Variants in TNN observed in about 807,000 individuals in gnomAD.
TNN encodes tenascin-N.
TNN carries 122 observed loss-of-function variants against 134.4 expected under a neutral mutation model. The ratio of observed to expected loss-of-function variants is 0.91; its 90% CI spans 0.78 to 1.06. TNN has a LOEUF of 1.06. Among genes scored for constraint, TNN ranks in the 50% least tolerant of loss-of-function variants. TNN has a pLI of 0.00. For synonymous variants in TNN, 710 were observed against 670.3 expected (o/e 1.06, Z -0.91); for missense variants, 1,739 against 1,699.4 (o/e 1.02, Z -0.41).
chr1:175,075,077 G>A (rs577874364), intron 1 of TNN, among the ~76,000 whole-genome samples: 3 of 152,342 alleles, frequency 2.0e-5, no homozygotes, highest in Non-Finnish European at 2.9e-5. Flanking sequence ...GTGCGTAGCA[G>A]CAACTCAGTA....
chr1:175,126,714 A>G (rs1042986664), intron 12 of TNN, among the ~76,000 whole-genome samples: 2 of 152,142 alleles, frequency 1.3e-5, no homozygotes, highest in Admixed American at 6.5e-5. Flanking sequence ...ATGGGGGCCC[A>G]GATTCCTTTC....
At position 175,147,394 on chromosome 1, in the gene TNN, A is replaced by G. The variant is rs1403680604; in HGVS notation, c.*323A>G. On this transcript the variant is annotated 3_prime_UTR_variant, in exon 19 of 19. Coordinates refer to ENST00000239462, the MANE Select transcript of TNN (RefSeq NM_022093.2). Reference sequence around the variant, plus strand: ...TCACCCAGCACTTCACCAGTTGGAAATCTCTGGAAATTTACATCTATGTAT... The same window carrying G: ...TCACCCAGCACTTCACCAGTTGGAAGTCTCTGGAAATTTACATCTATGTAT... 4 of 232,750 alleles carry G rather than the reference A, an allele frequency of 1.7e-5. No individual in the cohort carries two copies. Among genetic ancestry groups the G allele is most frequent in the Non-Finnish European group, 3.3e-5 (4 of 121,780 alleles). The allele number at this position is 232,750 out of a possible 1,614,324, so 14.4% of individuals were successfully genotyped here.
At chr1:175,136,120 C>T (rs1336777853) in intron 16 of TNN, among the ~76,000 whole-genome samples, 179 bp downstream of exon 16, 5 of 152,112 alleles carry the variant, frequency 3.3e-5, no homozygotes, top group African/African-American at 1.2e-4. Flanking sequence ...GTCTTGCACT[C>T]TGAACTTGTT....
At chr1:175,123,725 T>G (rs1675442723) in intron 12 of TNN, 62 bp downstream of exon 12, 1 of 1,598,520 alleles carries the variant, frequency 6.3e-7, no homozygotes. Flanking sequence ...CCTTCCTCCA[T>G]CAGTGGGCTG....
At chr1:175,137,063 T>A in intron 17 of TNN, 75 bp downstream of exon 17, 1 of 1,458,798 alleles carries the variant, frequency 6.9e-7, no homozygotes, top group Non-Finnish European at 9.5e-7. Flanking sequence ...CGTGTGCCAC[T>A]GATCTGGGGG....
rs2101843584 is a variant in TNN, at chr1:175,126,952, CA to C, written c.2915-2del. 1 of 1,606,732 alleles carries C rather than the reference CA, an allele frequency of 6.2e-7. No individual in the cohort carries two copies. The highest frequency in any genetic ancestry group is 2.2e-5 in the East Asian group (1 of 44,834). ...TAACAATTACCTGACTTTCTACGTA[CA>C]GAACTCGACCCTCCCAGAAACCTTC... On this transcript the variant is annotated splice_acceptor_variant, in intron 12 of 18. Coordinates refer to ENST00000239462, the MANE Select transcript of TNN (RefSeq NM_022093.2). LOFTEE classifies it high-confidence loss of function.
In TNN at chr1:175,083,991, G is replaced by A; in HGVS notation, c.1234+56G>A. On this transcript the variant is annotated intron_variant, in intron 5 of 18. Coordinates refer to ENST00000239462, the MANE Select transcript of TNN (RefSeq NM_022093.2). ...TGCTGTGGATGCAGAGGTGGGGATAGTGTGTGCAGAGGGCACTGGCATCTG... is the reference window on the plus strand; with the variant it reads ...TGCTGTGGATGCAGAGGTGGGGATAATGTGTGCAGAGGGCACTGGCATCTG... 1.9e-6 allele frequency: 3 copies of A among 1,572,972 alleles called. No individual in the cohort carries two copies. The African/African-American group carries it at 4.0e-5, about 21-fold the overall frequency.
At chr1:175,118,527 C>A in intron 10 of TNN, 34 bp from the exon 11 acceptor site, 1 of 1,611,126 alleles carries the variant, frequency 6.2e-7, no homozygotes, top group South Asian at 1.1e-5. Context: ...GGCACCTGTT[C>A]ATAGTGCATA....
intron 16 of TNN, among the ~76,000 whole-genome samples, chr1:175,136,494 A>G (rs1283889475): frequency 6.6e-6 from 1 of 152,176 alleles, no homozygotes; most frequent in Non-Finnish European, 1.5e-5. Context: ...GGATCTTAGG[A>G]TGAGTCGTTG....
At chr1:175,068,095 T>C (rs1040604105) in intron 1 of TNN, among the ~76,000 whole-genome samples, 160 bp downstream of exon 1, 1 of 152,160 alleles carries the variant, frequency 6.6e-6, no homozygotes, top group Non-Finnish European at 1.5e-5. Context: ...TAAAATGAAT[T>C]GGGAAGTACC....
chr1:175,081,533 G>A lies in TNN; in HGVS notation c.1048+1107G>A, dbSNP rs1674198472. Among the ~76,000 whole-genome samples, 4 of 152,186 alleles carry A rather than the reference G, an allele frequency of 2.6e-5. No individual in the cohort carries two copies. The South Asian group carries it at 6.2e-4, about 24-fold the overall frequency. On this transcript the variant is annotated intron_variant, in intron 4 of 18. Coordinates refer to ENST00000239462, the MANE Select transcript of TNN (RefSeq NM_022093.2). The stretch of plus-strand genomic sequence containing the variant: ...GCAGTTGTCTTTGCAGAGACATCAA[G>A]CTGCCTGTCCTTTATGGTGGTGGGA...
intron 18 of TNN, among the ~76,000 whole-genome samples, chr1:175,145,551 T>TAAAAAAAAAAAA (rs1676042149): frequency 2.6e-4 from 1 of 3,804 alleles, no homozygotes. Flanking sequence ...AGACCCTGTC[T>TAAAAAAAAAAAA]CAAAAAAAAA....
In TNN at chr1:175,116,989, G is replaced by A. The variant is rs767422698; in HGVS notation, c.2170G>A (p.Ala724Thr). 1.2e-6 allele frequency: 2 copies of A among 1,614,210 alleles called. No individual in the cohort carries two copies. Among genetic ancestry groups the A allele is most frequent in the South Asian group, 2.2e-5 (2 of 91,088 alleles). Residue 724 changes from alanine (A) to threonine (T), a missense_variant, in exon 10 of 19, where the codon GCC becomes ACC. Physicochemically the swap from Ala to Thr is moderately conservative, Grantham distance 58. Coordinates refer to ENST00000239462, the MANE Select transcript of TNN (RefSeq NM_022093.2). ...LVTDRVTENM[A>T]TVSWDPVRAT... ...GACCGACCGGGTGACAGAGAATATG[G>A]CCACTGTCTCCTGGGACCCGGTGCG...
Position 175,128,583 on chromosome 1 carries a change from C to T in TNN, c.3179-12C>T. The T allele has an allele frequency of 6.2e-7, 1 of 1,607,294 alleles. No individual in the cohort carries two copies. Among genetic ancestry groups the T allele is most frequent in the Non-Finnish European group, 8.5e-7 (1 of 1,176,540 alleles). On this transcript the variant is annotated splice_polypyrimidine_tract_variant and intron_variant, in intron 14 of 18. Transcript: ENST00000239462. ...CCTTGTCCTAACAACACTCTCTCTGCTTGGCTCCCAGTTGGTGCCCGTTTC... is the reference window on the plus strand; with the variant it reads ...CCTTGTCCTAACAACACTCTCTCTGTTTGGCTCCCAGTTGGTGCCCGTTTC...
chr1:175,072,093 C>T (rs1323768646), intron 1 of TNN, among the ~76,000 whole-genome samples: 1 of 152,178 alleles, frequency 6.6e-6, no homozygotes, highest in Non-Finnish European at 1.5e-5. Context: ...CAAGAGAGAA[C>T]ACAGCAGAAG....
chr1:175,143,794 C>T (rs1050799979), intron 17 of TNN, among the ~76,000 whole-genome samples: 2 of 152,096 alleles, frequency 1.3e-5, no homozygotes, highest in Non-Finnish European at 2.9e-5. Context: ...ACTGTTAGGC[C>T]TGAGATGATG....
chr1:175,080,166 T>C lies in TNN; in HGVS notation c.788T>C (p.Val263Ala). The change falls in exon 4 of 19, where the codon GTC becomes GCC. Residue 263 changes from valine to alanine, a missense_variant. By Grantham distance (64) the Val-to-Ala change is moderately conservative (BLOSUM62 0). Transcript: ENST00000239462. ...GFTGLDCAQV[V>A]TPQGLQLLKN... ...CCTGTTCCTGTTCTGCCTGCAGTGG[T>C]CACCCCACAGGGCCTGCAGCTGCTC... 1 of 1,613,664 alleles carries C rather than the reference T, an allele frequency of 6.2e-7. No individual in the cohort carries two copies. Among genetic ancestry groups the C allele is most frequent in the Non-Finnish European group, 8.5e-7 (1 of 1,179,924 alleles).
In TNN at chr1:175,077,523, C is replaced by A; in HGVS notation, c.105C>A (p.Asn35Lys). ...PATLEPPGCSNKEQQVTVSHT... is the reference protein window; with the variant it reads ...PATLEPPGCSKKEQQVTVSHT... ...CTCTGGAGCCTCCCGGCTGCAGCAA[C>A]AAGGAGCAACAGGTCACTGTCAGCC... is the stretch of plus-strand genomic sequence containing the variant. Residue 35 changes from asparagine (N) to lysine (K), a missense_variant, in exon 2 of 19, where the codon AAC becomes AAA. Transcript: ENST00000239462. 6.2e-7 allele frequency: 1 copy of A among 1,614,086 alleles called. No homozygotes were observed. The highest frequency in any genetic ancestry group is 8.5e-7 in the Non-Finnish European group (1 of 1,180,042).
At chr1:175,137,087 C>T in intron 17 of TNN, 99 bp downstream of exon 17, 1 of 1,281,114 alleles carries the variant, frequency 7.8e-7, no homozygotes, top group Non-Finnish European at 1.1e-6. Flanking sequence ...GAATATTATT[C>T]TGTGGAGGTG....
Sources: gnomAD v4.1 joint callset for allele counts (sites outside exome capture counted in the v4.1 genomes callset) on GRCh38, gnomAD v4.1.1 for gene constraint, MANE v1.5 for transcripts, NCBI Gene and HGNC (gene_info 2026-07-23, HGNC 2026-07-21) for gene names.